Variants in SGCG observed in about 807,000 individuals in gnomAD.
SGCG encodes the protein sarcoglycan gamma.
Under a neutral mutation model 29.3 loss-of-function variants are expected in SGCG, and 26 were observed. That is an observed-to-expected ratio of 0.89 (90% confidence interval 0.65 to 1.23). SGCG has a LOEUF of 1.23. SGCG is among the 50% of genes most tolerant of loss of function. The pLI, the probability that SGCG is intolerant of heterozygous loss-of-function variation, is 0.00. For synonymous variants in SGCG, 145 were observed against 129.7 expected (o/e 1.12, Z -0.80); for missense variants, 353 against 356.0 (o/e 0.99, Z 0.07).
chr13:23,202,542 G>T (rs964277739), intron 1 of SGCG, among the ~76,000 whole-genome samples: 27 of 152,274 alleles, frequency 1.8e-4, no homozygotes, highest in African/African-American at 5.5e-4. Context: ...ATATAAGGAA[G>T]ACTGGAGGAG....
intron 3 of SGCG, chr13:23,246,354 G>A (rs1246912010): frequency 1.3e-5 from 2 of 152,194 alleles, no homozygotes; most frequent in Admixed American, 1.3e-4. Flanking sequence ...GTACCCTCTG[G>A]CAGCCAAAGC....
chr13:23,175,725 A>G, the SGCG span, among the ~76,000 whole-genome samples: 2 of 152,096 alleles, frequency 1.3e-5, no homozygotes, highest in African/African-American at 4.8e-5. Context: ...TTCAATTTTT[A>G]TAAATATTGA....
chr13:23,249,553 A>G (rs1182563185), intron 3 of SGCG, among the ~76,000 whole-genome samples: 3 of 14,492 alleles, frequency 2.1e-4, no homozygotes, highest in Non-Finnish European at 3.3e-4. Context: ...AAGTAAAGCG[A>G]AAAAAATGTG....
intron 5 of SGCG, among the ~76,000 whole-genome samples, chr13:23,294,287 A>G (rs11148730): frequency 0.078 from 11,831 of 152,288 alleles, 603 homozygotes; most frequent in South Asian, 0.13. Context: ...GGTGCTGCTT[A>G]TATCTGTGAA....
intron 6 of SGCG, among the ~76,000 whole-genome samples, chr13:23,299,454 A>G (rs867630953): frequency 2.3e-5 from 1 of 42,670 alleles, no homozygotes. Flanking sequence ...ATATATATAT[A>G]TATTTTTTTT....
At chr13:23,261,186 A>T (rs967121785) in intron 4 of SGCG, among the ~76,000 whole-genome samples, 1 of 151,930 alleles carries the variant, frequency 6.6e-6, no homozygotes, top group East Asian at 1.9e-4. Context: ...TCAAACGTAG[A>T]TTTGATCTTT....
At chr13:23,221,144 G>A (rs934737082) in intron 2 of SGCG, among the ~76,000 whole-genome samples, 2 of 152,078 alleles carry the variant, frequency 1.3e-5, no homozygotes, top group African/African-American at 4.8e-5. Flanking sequence ...GCCTAAAATT[G>A]TTACTAACAT....
the SGCG span, among the ~76,000 whole-genome samples, chr13:23,162,798 C>A: frequency 4.6e-5 from 7 of 151,962 alleles, no homozygotes; most frequent in Admixed American, 3.9e-4. Context: ...CCAATGCACT[C>A]CAGCCTGGGC....
intron 4 of SGCG, among the ~76,000 whole-genome samples, chr13:23,266,017 T>A (rs762853823): frequency 1.6e-4 from 25 of 152,124 alleles, no homozygotes; most frequent in African/African-American, 2.9e-4. Context: ...TCAACCTAAA[T>A]GCCCATCAAA....
Position 23,250,620 on chromosome 13 carries a change from C to A in SGCG, c.298-10C>A. On this transcript the variant is annotated splice_polypyrimidine_tract_variant and intron_variant, in intron 3 of 7. Transcript: ENST00000218867. ...CACCTATTTTGCAAATTTTATAAAT[C>A]TCTTTCTAGGACTCATCTCTGCTTC... 2.6e-6 allele frequency: 4 copies of A among 1,546,738 alleles called. No individual in the cohort carries two copies. Among genetic ancestry groups the A allele is most frequent in the Non-Finnish European group, 3.6e-6 (4 of 1,119,880 alleles).
chr13:23,300,435 G>C (rs575829189), intron 6 of SGCG, among the ~76,000 whole-genome samples: 1 of 152,154 alleles, frequency 6.6e-6, no homozygotes, highest in Non-Finnish European at 1.5e-5. Context: ...CCAAGTGATT[G>C]TTCAGTGTGC....
At chr13:23,314,307 A>G (rs973036211) in intron 6 of SGCG, among the ~76,000 whole-genome samples, 1 of 143,126 alleles carries the variant, frequency 7.0e-6, no homozygotes, top group African/African-American at 2.6e-5. Context: ...TCTTACATTG[A>G]TGGACATCTG....
intron 1 of SGCG, among the ~76,000 whole-genome samples, chr13:23,189,648 C>T (rs183532914): frequency 1.3e-5 from 2 of 152,268 alleles, no homozygotes; most frequent in African/African-American, 4.8e-5. Flanking sequence ...GATTTCTGGA[C>T]ATGGGGACTG....
At chr13:23,252,296 G>A (rs1011934691) in intron 4 of SGCG, among the ~76,000 whole-genome samples, 3 of 152,092 alleles carry the variant, frequency 2.0e-5, no homozygotes, top group Non-Finnish European at 4.4e-5. Context: ...TTTGTTGAAT[G>A]ACTATGGGCT....
At chr13:23,204,525 G>T (rs1185322562) in intron 2 of SGCG, among the ~76,000 whole-genome samples, 2 of 152,164 alleles carry the variant, frequency 1.3e-5, no homozygotes, top group African/African-American at 4.8e-5. Flanking sequence ...AGAGAACATT[G>T]CAGGCAGGTC....
At chr13:23,320,597 C>A in intron 6 of SGCG, 40 bp from the exon 7 acceptor site, 28 of 1,321,512 alleles carry the variant, frequency 2.1e-5, no homozygotes, top group South Asian at 2.7e-5. Flanking sequence ...ATTTTTAATA[C>A]TTTTTTTTTT....
chr13:23,201,845 C>A (rs1203821859), intron 1 of SGCG, among the ~76,000 whole-genome samples: 1 of 152,164 alleles, frequency 6.6e-6, no homozygotes, highest in Non-Finnish European at 1.5e-5. Context: ...GACTCCCTGG[C>A]CACCCTTCCC....
intron 6 of SGCG, among the ~76,000 whole-genome samples, chr13:23,309,220 A>G (rs920575065): frequency 6.6e-6 from 1 of 152,118 alleles, no homozygotes; most frequent in African/African-American, 2.4e-5. Flanking sequence ...GTTTACATAT[A>G]TATGTATATA....
chr13:23,247,987 A>G (rs1879782212), intron 3 of SGCG, among the ~76,000 whole-genome samples: 1 of 150,156 alleles, frequency 6.7e-6, no homozygotes, highest in Non-Finnish European at 1.5e-5. Flanking sequence ...TTTTTAACAA[A>G]AAATAGGCCA....
Sources: gnomAD v4.1 joint callset for allele counts (sites outside exome capture counted in the v4.1 genomes callset) on GRCh38, gnomAD v4.1.1 for gene constraint, MANE v1.5 for transcripts, NCBI Gene and HGNC (gene_info 2026-07-23, HGNC 2026-07-21) for gene names.